The following FAM234A variants were observed in gnomAD, a reference collection of about 807,000 sequenced individuals.
The protein encoded by FAM234A is protein FAM234A.
A neutral mutation model predicts 49.1 loss-of-function variants in FAM234A; 42 were observed. That is an observed-to-expected ratio of 0.86 (90% CI 0.67 to 1.11). The LOEUF is 1.11. Ranked by LOEUF, FAM234A falls within the 50% of genes least tolerant of loss-of-function variation. The pLI, the probability that FAM234A is intolerant of heterozygous loss-of-function variation, is 0.00. For missense variants in FAM234A, 815 were observed against 745.2 expected, an observed-to-expected ratio of 1.09 and a Z score of -1.09; for synonymous variants, 369 against 316.2, an observed-to-expected ratio of 1.17 and a Z score of -1.77.
In FAM234A at chr16:265,320, T is replaced by C; in HGVS notation, c.*298T>C. ...CAGGCAGCCTTCATAGTGGTCTCCC[T>C]GGCCACCTTGGGCAGAGCTGGGTCA... On this transcript the variant is annotated 3_prime_UTR_variant, in exon 13 of 13. Coordinates refer to ENST00000399932, the MANE Select transcript of FAM234A (RefSeq NM_032039.4). 1 of 1,194,386 alleles carries C rather than the reference T, an allele frequency of 8.4e-7. No individual in the cohort carries two copies. Among genetic ancestry groups the C allele is most frequent in the South Asian group, 2.8e-5 (1 of 36,032 alleles). The allele number at this position is 1,194,386 out of a possible 1,614,324, so 74.0% of individuals were successfully genotyped here.
downstream of FAM234A, among the ~76,000 whole-genome samples, chr16:266,686 G>T (rs1364017878): frequency 6.6e-6 from 1 of 152,332 alleles, no homozygotes; most frequent in East Asian, 1.9e-4. Flanking sequence ...TGGGGGATGA[G>T]GTTGAACAGG....
Position 261,354 on chromosome 16 carries a change from C to A in FAM234A, c.578-30C>A, listed in dbSNP as rs768716498. The A allele has an allele frequency of 3.1e-6, 5 of 1,595,514 alleles. No homozygotes were observed. In the African/African-American group the frequency reaches 6.7e-5, roughly 21 times the overall value. On this transcript the variant is annotated intron_variant, in intron 5 of 12. Transcript: ENST00000399932. ...GCTGCTGTTGAAGGGGACTCAGGGC[C>A]ACGTTCCGTGACCGTGTGCTTGATT...
chr16:269,170 T>A, downstream of FAM234A: 1 of 1,012,248 alleles, frequency 9.9e-7, no homozygotes, highest in Non-Finnish European at 1.5e-6. Flanking sequence ...TGGTGCTGGG[T>A]TCAGCAGCCC....
Position 264,606 on chromosome 16 carries a change from C to T in FAM234A, c.1345-8C>T, listed in dbSNP as rs776193394. 1.3e-5 allele frequency: 20 copies of T among 1,595,198 alleles called. No individual in the cohort carries two copies. Among genetic ancestry groups the T allele is most frequent in the African/African-American group, 1.1e-4 (8 of 74,540 alleles). On this transcript the variant is annotated splice_region_variant and splice_polypyrimidine_tract_variant and intron_variant, in intron 11 of 12. Transcript: ENST00000399932. ...GGGCGTGGGGCCCATTGCTGGTTCTCGCTCCAGGAGACCGGGGAGGCCCGG... is the reference window on the plus strand; with the variant it reads ...GGGCGTGGGGCCCATTGCTGGTTCTTGCTCCAGGAGACCGGGGAGGCCCGG...
At position 262,891 on chromosome 16, in the gene FAM234A, T is replaced by C. The variant is rs1340267986; in HGVS notation, c.971+338T>C. Among the ~76,000 whole-genome samples, 12 of 149,730 alleles carry C rather than the reference T, an allele frequency of 8.0e-5. No homozygotes were observed. In the South Asian group the frequency reaches 1.1e-3, roughly 13 times the overall value. On this transcript the variant is annotated intron_variant, in intron 8 of 12. Transcript: ENST00000399932. ...CTGGAGTGCAGTGGTGCGATCTCGG[T>C]TCACTGCAACCTCCGCCTCCCGGGT...
At chr16:250,944 C>T (rs1405227985) in intron 2 of FAM234A, among the ~76,000 whole-genome samples, 2 of 152,108 alleles carry the variant, frequency 1.3e-5, no homozygotes, top group Admixed American at 1.3e-4. Flanking sequence ...TTTTGTTTAT[C>T]CATTCATATG....
intron 1 of FAM234A, among the ~76,000 whole-genome samples, chr16:238,005 A>G (rs1166869381): frequency 1.6e-5 from 1 of 63,698 alleles, no homozygotes; most frequent in Non-Finnish European, 3.1e-5. Context: ...TGCCTGGCCT[A>G]TGTTATTTAT....
downstream of FAM234A, chr16:266,101 G>A (rs539174566): frequency 1.8e-5 from 18 of 985,646 alleles, no homozygotes; most frequent in African/African-American, 1.2e-4. Flanking sequence ...GAAAAACCCC[G>A]GTGGTCAGGC....
At chr16:267,711 C>T (rs1183867474), downstream of FAM234A, among the ~76,000 whole-genome samples, 1 of 149,378 alleles carries the variant, frequency 6.7e-6, no homozygotes, top group Non-Finnish European at 1.5e-5. Flanking sequence ...ATCACACGTG[C>T]TATGCGTACA....
In FAM234A at chr16:261,150, C is replaced by T. The variant is rs1049481738; in HGVS notation, c.578-234C>T. 7 of 465,220 alleles carry T rather than the reference C, an allele frequency of 1.5e-5. 1 individual carries two copies. The highest frequency in any genetic ancestry group is 1.5e-4 in the East Asian group (4 of 26,916). The allele number at this position is 465,220 out of a possible 1,614,324, so 28.8% of individuals were successfully genotyped here. A position where few individuals can be genotyped will look rare whatever the true frequency, so the allele number is the denominator to read the frequency against. ...CTGTCAGCGTTTGGCATATTGCCAC[C>T]GAGTCTCCATACACGGGCAGGACGT... is the stretch of plus-strand genomic sequence containing the variant. On this transcript the variant is annotated intron_variant, in intron 5 of 12. Coordinates refer to ENST00000399932, the MANE Select transcript of FAM234A (RefSeq NM_032039.4).
rs1254530182 is a variant in FAM234A at position 265,275 on chromosome 16, C to T, written c.*253C>T. The T allele has an allele frequency of 2.3e-6, 3 of 1,323,206 alleles. No individual in the cohort carries two copies. Among genetic ancestry groups the T allele is most frequent in the African/African-American group, 3.0e-5 (2 of 67,484 alleles). The allele number at this position is 1,323,206 out of a possible 1,614,324, so 82.0% of individuals were successfully genotyped here. On this transcript the variant is annotated 3_prime_UTR_variant, in exon 13 of 13. Transcript: ENST00000399932. ...CCACACAGGGCCTCACTCTGCACCC[C>T]ACCAGGGTCCCGCTCACACCAGGCA...
Position 251,248 on chromosome 16 carries a change from G to A in FAM234A, c.-34+1594G>A, listed in dbSNP as rs572203133. Reference sequence around the variant, plus strand: ...TGGGATCACAGGCGTGAGCCACTGCGCCCAGCCGATACGTTCATATGTTGT... The same window carrying A: ...TGGGATCACAGGCGTGAGCCACTGCACCCAGCCGATACGTTCATATGTTGT... On this transcript the variant is annotated intron_variant, in intron 2 of 12. Coordinates refer to ENST00000399932, the MANE Select transcript of FAM234A (RefSeq NM_032039.4). 3.6e-4 allele frequency among the ~76,000 whole-genome samples: 55 copies of A among 152,290 alleles called. No homozygotes were observed. In the South Asian group the frequency reaches 8.5e-3, roughly 24 times the overall value.
chr16:249,762 G>A (rs2050932689), intron 2 of FAM234A, 108 bp downstream of exon 2: 1 of 151,938 alleles, frequency 6.6e-6, no homozygotes, highest in Non-Finnish European at 1.5e-5. Flanking sequence ...CGCTTTCTTT[G>A]ATGCTCTAGC....
intron 2 of FAM234A, 22 bp from the exon 3 acceptor site, chr16:254,359 A>C: frequency 1.3e-6 from 2 of 1,597,382 alleles, no homozygotes; most frequent in Non-Finnish European, 1.7e-6. Context: ...GGCCTCGCCG[A>C]CCTCTTGCTT....
chr16:262,825 GT>G (rs1039426121), intron 8 of FAM234A, among the ~76,000 whole-genome samples: 46 of 138,584 alleles, frequency 3.3e-4, no homozygotes, highest in Non-Finnish European at 6.0e-4. Context: ...TTTTTTGGTT[GT>G]TTTTTTTTTT....
At chr16:241,273 A>AAG (rs1305907695) in intron 1 of FAM234A, among the ~76,000 whole-genome samples, 1 of 106,296 alleles carries the variant, frequency 9.4e-6, no homozygotes, top group African/African-American at 6.2e-5. Context: ...CACAAAAAGA[A>AAG]AGAAAAAAAA....
At chr16:251,134 T>A (rs566355385) in intron 2 of FAM234A, among the ~76,000 whole-genome samples, 3 of 152,274 alleles carry the variant, frequency 2.0e-5, no homozygotes, top group Admixed American at 2.0e-4. Flanking sequence ...TTTTTTTGTA[T>A]TTTTAGTAGA....
intron 10 of FAM234A, 62 bp from the exon 11 acceptor site, chr16:263,954 A>G: frequency 1.3e-6 from 2 of 1,557,196 alleles, no homozygotes; most frequent in Non-Finnish European, 1.8e-6. Flanking sequence ...GTGCCTGTGC[A>G]AGCCTCGAGC....
At chr16:245,039 T>C (rs191288658) in intron 1 of FAM234A, among the ~76,000 whole-genome samples, 276 of 152,114 alleles carry the variant, frequency 1.8e-3, no homozygotes, top group African/African-American at 6.1e-3. Context: ...GCAGACCTGT[T>C]ATCGTATATT....
Sources: gnomAD v4.1 joint callset for allele counts (sites outside exome capture counted in the v4.1 genomes callset) on GRCh38, gnomAD v4.1.1 for gene constraint, MANE v1.5 for transcripts, NCBI Gene and HGNC (gene_info 2026-07-23, HGNC 2026-07-21) for gene names.